LAMB1: variants seen among roughly 807,000 people sequenced by gnomAD.
LAMB1 encodes laminin subunit beta 1.
A neutral mutation model predicts 222.3 loss-of-function variants in LAMB1; 121 were observed. That is an observed-to-expected ratio of 0.54 (90% confidence interval 0.47 to 0.63). The LOEUF is 0.63. Ranked by LOEUF, LAMB1 falls within the 30% of genes least tolerant of loss-of-function variation. The pLI is 0.00. For missense variants in LAMB1, 2,172 were observed against 2,240.8 expected (o/e 0.97, Z 0.62); for synonymous variants, 794 against 807.2 (o/e 0.98, Z 0.28).
Position 107,986,066 on chromosome 7 carries a change from T to G in LAMB1, c.632A>C (p.Asp211Ala). The G allele has an allele frequency of 6.2e-7, 1 of 1,612,682 alleles. No individual in the cohort carries two copies. The highest frequency in any genetic ancestry group is 8.5e-7 in the Non-Finnish European group (1 of 1,178,648). Residue 211 changes from aspartate to alanine, a missense_variant, in exon 7 of 34, where the codon GAT (aspartate) becomes GCT (alanine). By Grantham distance (126) the Asp-to-Ala change is moderately radical (BLOSUM62 -2). Transcript: ENST00000222399. Reference protein sequence around the residue: ...TEGEVIFRALDPAFKIEDPYS... With the variant: ...TEGEVIFRALAPAFKIEDPYS... ...AGGATCTTCTATTTTGAAAGCAGGA[T>G]CTAAAGCACGAAATATCACCTAAAA...
At chr7:107,950,526 T>C (rs1464316955) in intron 24 of LAMB1, among the ~76,000 whole-genome samples, 1 of 152,222 alleles carries the variant, frequency 6.6e-6, no homozygotes, top group Non-Finnish European at 1.5e-5. Context: ...AGTTTTTGTT[T>C]GTAAGAAAAT....
rs139446144 is a variant in LAMB1, at chr7:107,961,275, C to T, written c.2040G>A (p.Val680=). The change falls in exon 17 of 34, where the codon GTG becomes GTA. Residue 680 remains valine, a synonymous_variant. Transcript: ENST00000222399. ...AGGTGTACTGAGGCAGCTCCAACCT[C>T]ACCGTGTAGTTTGTTCCCTTCTCAA... ...VCFEKGTNYT[V]RLELPQYTSS... 5.1e-5 allele frequency: 82 copies of T among 1,614,092 alleles called. No individual in the cohort carries two copies. The African/African-American group carries it at 8.9e-4, about 18-fold the overall frequency.
At chr7:107,934,652 G>C (rs1015830546) in intron 27 of LAMB1, among the ~76,000 whole-genome samples, 2 of 152,108 alleles carry the variant, frequency 1.3e-5, no homozygotes, top group Admixed American at 1.3e-4. Flanking sequence ...GAACATAATA[G>C]CTAATACCCG....
rs752729260 is a variant in LAMB1 at position 107,959,275 on chromosome 7, G to C, written c.2664C>G (p.Asp888Glu). 3.7e-6 allele frequency: 6 copies of C among 1,613,978 alleles called. No homozygotes were observed. The highest frequency in any genetic ancestry group is 5.1e-6 in the Non-Finnish European group (6 of 1,179,950). ...TTTCACAGTTATGACCCATGGTGTA[G>C]TCCTGGCAGTTCAAGCACTCCCCAG... ...PVTGECLNCQDYTMGHNCERC... is the reference protein window; with the variant it reads ...PVTGECLNCQEYTMGHNCERC... The change falls in exon 20 of 34, where the codon GAC becomes GAG. Residue 888 changes from aspartate (D) to glutamate (E), a missense_variant. By Grantham distance (45) the Asp-to-Glu change is conservative (BLOSUM62 2). Transcript: ENST00000222399.
At position 107,975,779 on chromosome 7, in the gene LAMB1, G is replaced by A; in HGVS notation, c.1099C>T (p.His367Tyr). The change falls in exon 10 of 34, where the codon CAC (histidine) becomes TAC (tyrosine). Residue 367 changes from histidine (H) to tyrosine (Y), a missense_variant. Coordinates refer to ENST00000222399, the MANE Select transcript of LAMB1 (RefSeq NM_002291.3). The part of the protein sequence containing the change: ...VSGGVCDDCQ[H>Y]NTMGRNCEQC... ...TCACAGTTGCGCCCCATGGTGTTGT[G>A]CTGACAGTCATCACACACGCCTCCG... is the stretch of plus-strand genomic sequence containing the variant. 6.2e-7 allele frequency: 1 copy of A among 1,614,046 alleles called. No homozygotes were observed. The highest frequency in any genetic ancestry group is 8.5e-7 in the Non-Finnish European group (1 of 1,180,018).
intron 14 of LAMB1, 118 bp from the exon 15 acceptor site, chr7:107,963,181 T>C: frequency 1.1e-6 from 1 of 885,046 alleles, no homozygotes. Flanking sequence ...CTTATGTCTA[T>C]TTTTTATAGT....
At chr7:107,933,603 G>GAAA (rs1329355249) in intron 27 of LAMB1, among the ~76,000 whole-genome samples, 10 of 143,912 alleles carry the variant, frequency 6.9e-5, no homozygotes, top group African/African-American at 2.0e-4. Context: ...GGCAGACATG[G>GAAA]AAAAAAAAAA....
intron 27 of LAMB1, among the ~76,000 whole-genome samples, chr7:107,933,763 CAGTA>C (rs999921797): frequency 6.6e-6 from 1 of 152,156 alleles, no homozygotes; most frequent in Non-Finnish European, 1.5e-5. Flanking sequence ...GACAAAAACA[CAGTA>C]AGAGAACTGA....
At position 107,994,973 on chromosome 7, in the gene LAMB1, T is replaced by TA. The variant is rs748417559; in HGVS notation, c.350-14dup. ...ACATTTTCCACACCTACAGGAGATTTAAAAAAAATAAAACAATAAATGAAA... is the reference window on the plus strand; with the variant it reads ...ACATTTTCCACACCTACAGGAGATTTAAAAAAAAATAAAACAATAAATGAAA... On this transcript the variant is annotated splice_polypyrimidine_tract_variant and intron_variant, in intron 4 of 33. Coordinates refer to ENST00000222399, the MANE Select transcript of LAMB1 (RefSeq NM_002291.3). 7.3e-5 allele frequency: 103 copies of TA among 1,408,716 alleles called. No homozygotes were observed. Among genetic ancestry groups the TA allele is most frequent in the Admixed American group, 1.4e-4 (8 of 55,624 alleles). 87.3% of individuals were successfully genotyped at this position (1,408,716 alleles called of 1,614,324 possible).
In LAMB1 at chr7:107,929,023, G is replaced by A. The variant is rs2116318885; in HGVS notation, c.4887+41C>T. 4.4e-6 allele frequency: 7 copies of A among 1,584,770 alleles called. No individual in the cohort carries two copies. In the South Asian group the frequency reaches 4.4e-5, roughly 10 times the overall value. ...ATGTACTTTTCTGGTAAGTGTATAT[G>A]TAGGTGTGTTCCCATTCATGTAATG... On this transcript the variant is annotated intron_variant, in intron 31 of 33. Transcript: ENST00000222399.
At chr7:107,928,464 A>C (rs1207053949) in intron 31 of LAMB1, among the ~76,000 whole-genome samples, 1 of 152,068 alleles carries the variant, frequency 6.6e-6, no homozygotes, top group East Asian at 1.9e-4. Context: ...CATACTACTG[A>C]ACAGAGTATA....
At chr7:107,991,832 C>T (rs569173866) in intron 5 of LAMB1, among the ~76,000 whole-genome samples, 15 of 133,580 alleles carry the variant, frequency 1.1e-4, no homozygotes, top group Admixed American at 8.0e-4. Flanking sequence ...CGCTTGAACC[C>T]GGGAGGTGGA....
chr7:107,959,923 TA>T, intron 18 of LAMB1, 89 bp from the exon 19 acceptor site: 1 of 1,466,460 alleles, frequency 6.8e-7, no homozygotes, highest in South Asian at 1.3e-5. Context: ...TACTTTGGAT[TA>T]TTCAGAGTTC....
chr7:108,001,774 A>C (rs750498130), intron 2 of LAMB1, 41 bp from the exon 3 acceptor site: 2 of 1,605,200 alleles, frequency 1.2e-6, no homozygotes, highest in Non-Finnish European at 1.7e-6. Flanking sequence ...GGACACAAGC[A>C]GGGAGTGGAG....
At chr7:107,926,153 A>G (rs2032558628) in intron 32 of LAMB1, 30 bp downstream of exon 32, 1 of 1,591,260 alleles carries the variant, frequency 6.3e-7, no homozygotes, top group Non-Finnish European at 8.6e-7. Context: ...CTTTAACAAC[A>G]TAGCTCTGAA....
chr7:107,950,214 A>T (rs1481818575), intron 24 of LAMB1, among the ~76,000 whole-genome samples: 1 of 151,988 alleles, frequency 6.6e-6, no homozygotes, highest in Non-Finnish European at 1.5e-5. Flanking sequence ...TAGGTGACAG[A>T]GCGAGACTCC....
intron 23 of LAMB1, among the ~76,000 whole-genome samples, chr7:107,951,771 T>C (rs982289926): frequency 1.3e-5 from 2 of 152,176 alleles, no homozygotes; most frequent in Non-Finnish European, 2.9e-5. Context: ...CCCTTGTCTA[T>C]TGTTAAGTGA....
chr7:107,961,579 T>C lies in LAMB1; in HGVS notation c.1955A>G (p.Asn652Ser), dbSNP rs150124951. The stretch of plus-strand genomic sequence containing the variant: ...GCCTGGTGATAATGACACCACCTGG[T>C]TGTCATCATCGGGGATGGTATTACC... Reference protein sequence around the residue: ...RCGNTIPDDDNQVVSLSPGSR... With the variant: ...RCGNTIPDDDSQVVSLSPGSR... The change falls in exon 16 of 34, where the codon AAC (asparagine) becomes AGC (serine). Residue 652 changes from asparagine to serine, a missense_variant. Asn to Ser is a conservative substitution (Grantham distance 46). Coordinates refer to ENST00000222399, the MANE Select transcript of LAMB1 (RefSeq NM_002291.3). The C allele has an allele frequency of 6.2e-7, 1 of 1,614,032 alleles. No homozygotes were observed. The highest frequency in any genetic ancestry group is 8.5e-7 in the Non-Finnish European group (1 of 1,179,908).
At position 107,940,165 on chromosome 7, in the gene LAMB1, G is replaced by C; in HGVS notation, c.3585C>G (p.Asn1195Lys). The C allele has an allele frequency of 6.2e-7, 1 of 1,614,154 alleles. No individual in the cohort carries two copies. The highest frequency in any genetic ancestry group is 8.5e-7 in the Non-Finnish European group (1 of 1,180,030). The change falls in exon 25 of 34, where the codon AAC becomes AAG. Residue 1195 changes from asparagine (N) to lysine (K), a missense_variant. Asn to Lys is a moderately conservative substitution (Grantham distance 94). Coordinates refer to ENST00000222399, the MANE Select transcript of LAMB1 (RefSeq NM_002291.3). ...LWDVIIAELT[N>K]RTHRFLEKAK... ...CTTTCTCCAGGAATCTGTGTGTCCT[G>C]TTGGTCAGCTCGGCAATGATCACAT...
Sources: allele counts gnomAD v4.1 joint callset (sites outside exome capture counted in the v4.1 genomes callset), GRCh38; gene constraint gnomAD v4.1.1; transcripts MANE v1.5; gene names NCBI Gene and HGNC (gene_info 2026-07-23, HGNC 2026-07-21).